XKR9: variants seen among roughly 807,000 people sequenced by gnomAD.
XKR9 encodes XK-related protein 9.
Under a neutral mutation model 32.0 loss-of-function variants are expected in XKR9, and 32 were observed. The observed-to-expected ratio is 1.00, with a 90% confidence interval of 0.76 to 1.34. The LOEUF is 1.34. Ranked by LOEUF, XKR9 falls within the 40% of genes most tolerant of loss-of-function variation. XKR9 has a pLI of 0.00. For missense variants in XKR9, 546 were observed against 429.7 expected, an observed-to-expected ratio of 1.27 and a Z score of -2.39; for synonymous variants, 168 against 143.4, an observed-to-expected ratio of 1.17 and a Z score of -1.22.
chr8:71,000,961 T>G, the XKR9 span, among the ~76,000 whole-genome samples: 1 of 152,204 alleles, frequency 6.6e-6, no homozygotes, highest in East Asian at 1.9e-4. Flanking sequence ...GAGGATAGAG[T>G]CTGAAGATCT....
At position 70,669,486 on chromosome 8, in the gene XKR9, C is replaced by T. The variant is rs1818620665; in HGVS notation, c.-413C>T. 4.1e-6 allele frequency: 1 copy of T among 242,488 alleles called. No individual in the cohort carries two copies. Among genetic ancestry groups the T allele is most frequent in the African/African-American group, 2.3e-5 (1 of 43,042 alleles). The allele number at this position is 242,488 out of a possible 1,614,324, so 15.0% of individuals were successfully genotyped here. A position where few individuals can be genotyped will look rare whatever the true frequency, so the allele number is the denominator to read the frequency against. On this transcript the variant is annotated 5_prime_UTR_variant, in exon 1 of 5. Coordinates refer to ENST00000408926, the MANE Select transcript of XKR9 (RefSeq NM_001011720.2). Reference sequence around the variant, plus strand: ...TGTGTCCTAGACAGGCGAGTGGATCCAAGTGGGCGAGAGACATTTTAATCT... The same window carrying T: ...TGTGTCCTAGACAGGCGAGTGGATCTAAGTGGGCGAGAGACATTTTAATCT...
the XKR9 span, among the ~76,000 whole-genome samples, chr8:70,865,942 G>C: frequency 6.6e-6 from 1 of 152,102 alleles, no homozygotes; most frequent in Admixed American, 6.5e-5. Context: ...TTACATGTAG[G>C]GTGAAGGAAA....
At position 70,733,878 on chromosome 8, in the gene XKR9, C is replaced by T. The variant is rs764422820; in HGVS notation, c.576C>T (p.Asp192=). The T allele has an allele frequency of 2.5e-6, 4 of 1,610,758 alleles. No homozygotes were observed. In the South Asian group the frequency reaches 3.3e-5, roughly 13 times the overall value. ...TAGCTTTAAGAAAATCCTTGCCTGA[C>T]AAAAAGCTTCTTAATGGATTATGTC... ...YQVALRKSLP[D]KKLLNGLCPK... The change falls in exon 5 of 5, where the codon GAC becomes GAT. Residue 192 remains aspartate, a synonymous_variant. Coordinates refer to ENST00000408926, the MANE Select transcript of XKR9 (RefSeq NM_001011720.2).
At chr8:70,830,385 T>C in the XKR9 span, among the ~76,000 whole-genome samples, 1 of 150,018 alleles carries the variant, frequency 6.7e-6, no homozygotes, top group South Asian at 2.1e-4. Flanking sequence ...GTTCGAGACC[T>C]GCCTGGTCAG....
intron 4 of XKR9, among the ~76,000 whole-genome samples, chr8:70,715,875 G>T (rs1345659293): frequency 6.6e-6 from 1 of 151,952 alleles, no homozygotes; most frequent in African/African-American, 2.4e-5. Context: ...CAAGTATGAG[G>T]GTAGAATTAG....
At chr8:70,739,429 A>T (rs553729394), downstream of XKR9, among the ~76,000 whole-genome samples, 477 of 152,292 alleles carry the variant, frequency 3.1e-3, 1 homozygote, top group Middle Eastern at 0.027. Flanking sequence ...CCAATTTGCC[A>T]GTCTGTGTCT....
the XKR9 span, among the ~76,000 whole-genome samples, chr8:71,041,436 T>G: frequency 0.067 from 10,156 of 152,282 alleles, 477 homozygotes; most frequent in Non-Finnish European, 0.094. Context: ...AATCAGAGAT[T>G]GCTAGTGCCG....
chr8:70,975,198 C>G, the XKR9 span, among the ~76,000 whole-genome samples: 1 of 152,100 alleles, frequency 6.6e-6, no homozygotes, highest in Non-Finnish European at 1.5e-5. Flanking sequence ...GGTTGCCTGT[C>G]CACTCTGATG....
chr8:70,814,739 C>T, the XKR9 span, among the ~76,000 whole-genome samples: 3 of 152,294 alleles, frequency 2.0e-5, no homozygotes, highest in South Asian at 6.2e-4. Flanking sequence ...ACTGGAAGTC[C>T]TGGCCAGAGC....
chr8:70,905,670 AG>A, the XKR9 span, among the ~76,000 whole-genome samples: 1 of 152,178 alleles, frequency 6.6e-6, no homozygotes, highest in African/African-American at 2.4e-5. Context: ...GCTGCTGGCA[AG>A]GAGCTGCGTT....
In XKR9 at chr8:70,733,814, C is replaced by T. The variant is rs2130128246; in HGVS notation, c.512C>T (p.Ser171Phe). 1.3e-6 allele frequency: 2 copies of T among 1,580,254 alleles called. No homozygotes were observed. Among genetic ancestry groups the T allele is most frequent in the East Asian group, 2.2e-5 (1 of 44,532 alleles). ...NFSQYAAIMV[S>F]CCAISWSTVD... is the part of the protein sequence containing the mutation. Reference sequence around the variant, plus strand: ...TTTGTAGATGCGGCCATCATGGTCTCTTGCTGTGCTATTTCTTGGTCAACT... The same window carrying T: ...TTTGTAGATGCGGCCATCATGGTCTTTTGCTGTGCTATTTCTTGGTCAACT... The change falls in exon 5 of 5, where the codon TCT becomes TTT. Residue 171 changes from serine (S) to phenylalanine (F), a missense_variant. Coordinates refer to ENST00000408926, the MANE Select transcript of XKR9 (RefSeq NM_001011720.2).
At position 70,697,885 on chromosome 8, in the gene XKR9, A is replaced by T. The variant is rs1461433268; in HGVS notation, c.273-9048A>T. Among the ~76,000 whole-genome samples, 445 of 151,918 alleles carry T rather than the reference A, an allele frequency of 2.9e-3. 3 individuals are homozygous for T. The highest frequency in any genetic ancestry group is 9.6e-3 in the African/African-American group (396 of 41,422). ...GCTCCTGTTATTGGTCTATTCAGAG[A>T]TTCAACTTCTTCCTGGTTTAGTCTT... On this transcript the variant is annotated intron_variant, in intron 3 of 4. Transcript: ENST00000408926.
At chr8:70,673,730 A>T (rs1337079195) in intron 1 of XKR9, among the ~76,000 whole-genome samples, 1 of 152,074 alleles carries the variant, frequency 6.6e-6, no homozygotes, top group East Asian at 1.9e-4. Flanking sequence ...GCGGCACTGC[A>T]CTCCAGCCTG....
the XKR9 span, among the ~76,000 whole-genome samples, chr8:70,839,366 T>TA: frequency 1.3e-5 from 2 of 152,288 alleles, no homozygotes; most frequent in African/African-American, 4.8e-5. Context: ...TGTTTCTTTC[T>TA]ATATACCATG....
chr8:70,821,170 G>C, the XKR9 span, among the ~76,000 whole-genome samples: 3 of 152,164 alleles, frequency 2.0e-5, no homozygotes, highest in African/African-American at 7.2e-5. Flanking sequence ...CAAAACGAAG[G>C]GGCTACAGGC....
intron 3 of XKR9, among the ~76,000 whole-genome samples, chr8:70,697,418 C>G (rs2132149461): frequency 6.6e-6 from 1 of 151,716 alleles, no homozygotes; most frequent in Admixed American, 6.6e-5. Context: ...TGTCAAAGGC[C>G]TTTTCTGCAT....
the XKR9 span, among the ~76,000 whole-genome samples, chr8:70,859,279 G>A: frequency 6.6e-6 from 1 of 152,038 alleles, no homozygotes; most frequent in East Asian, 1.9e-4. Context: ...TCAGAGAAAT[G>A]CAATCAAAAC....
At chr8:70,709,626 C>A (rs1051363475) in intron 4 of XKR9, among the ~76,000 whole-genome samples, 1 of 152,058 alleles carries the variant, frequency 6.6e-6, no homozygotes, top group African/African-American at 2.4e-5. Context: ...GATCGATGTA[C>A]AAAACAGTAG....
the XKR9 span, among the ~76,000 whole-genome samples, chr8:70,965,879 C>T: frequency 1.3e-5 from 2 of 151,700 alleles, no homozygotes; most frequent in Non-Finnish European, 2.9e-5. Flanking sequence ...TATTTCTTGT[C>T]TTCTGCTAGC....
Sources: allele counts gnomAD v4.1 joint callset (sites outside exome capture counted in the v4.1 genomes callset), GRCh38; gene constraint gnomAD v4.1.1; transcripts MANE v1.5; gene names NCBI Gene and HGNC (gene_info 2026-07-23, HGNC 2026-07-21).